Variants in PRKN observed in about 807,000 individuals in gnomAD.
PRKN encodes the protein E3 ubiquitin-protein ligase parkin.
Under a neutral mutation model 59.5 loss-of-function variants are expected in PRKN, and 56 were observed. That is an observed-to-expected ratio of 0.94 (90% CI 0.76 to 1.18). The LOEUF is 1.18. Ranked by LOEUF, PRKN falls within the 50% of genes most tolerant of loss-of-function variation. The pLI is 0.00. For missense variants in PRKN, 657 were observed against 596.4 expected (o/e 1.10, Z -1.06); for synonymous variants, 250 against 222.1 (o/e 1.13, Z -1.12).
intron 5 of PRKN, among the ~76,000 whole-genome samples, chr6:162,023,758 T>C (rs1783307657): frequency 6.6e-6 from 1 of 152,010 alleles, no homozygotes; most frequent in Non-Finnish European, 1.5e-5. Flanking sequence ...TTCACCTAGG[T>C]CCATGGGGGT....
At chr6:162,706,673 T>C (rs1464764976) in intron 1 of PRKN, among the ~76,000 whole-genome samples, 2 of 152,346 alleles carry the variant, frequency 1.3e-5, no homozygotes, top group East Asian at 1.9e-4. Context: ...ATAGTGTCAC[T>C]AGAGGTTGTA....
intron 2 of PRKN, among the ~76,000 whole-genome samples, chr6:162,280,503 C>T (rs1188819792): frequency 1.3e-5 from 2 of 151,962 alleles, no homozygotes; most frequent in African/African-American, 4.8e-5. Context: ...AATTCAAAAG[C>T]TAAAAGGCCA....
intron 6 of PRKN, among the ~76,000 whole-genome samples, chr6:161,948,515 T>C (rs1241091085): frequency 6.6e-6 from 1 of 152,092 alleles, no homozygotes; most frequent in African/African-American, 2.4e-5. Flanking sequence ...GACTAGCACA[T>C]TGCATTATGA....
intron 4 of PRKN, among the ~76,000 whole-genome samples, chr6:162,172,249 G>A (rs1305695488): frequency 2.0e-5 from 3 of 152,300 alleles, no homozygotes; most frequent in African/African-American, 7.2e-5. Context: ...TAGCCAGTAG[G>A]CAGAAATGGA....
chr6:162,655,038 T>C (rs1014413898), intron 1 of PRKN, among the ~76,000 whole-genome samples: 2 of 152,204 alleles, frequency 1.3e-5, no homozygotes, highest in African/African-American at 4.8e-5. Flanking sequence ...TGCATAGTTA[T>C]ACCAATGTCA....
At chr6:162,382,275 T>A (rs1273338217) in intron 2 of PRKN, among the ~76,000 whole-genome samples, 3 of 152,000 alleles carry the variant, frequency 2.0e-5, no homozygotes, top group Non-Finnish European at 4.4e-5. Flanking sequence ...TAACTAGAAA[T>A]GGAAATCCAA....
intron 4 of PRKN, among the ~76,000 whole-genome samples, chr6:162,108,992 T>A (rs151234724): frequency 8.3e-4 from 126 of 152,332 alleles, no homozygotes; most frequent in Middle Eastern, 6.8e-3. Flanking sequence ...CCGTAGGCAG[T>A]GTGCCAGGGC....
chr6:161,478,389 T>C (rs543087859), intron 9 of PRKN, among the ~76,000 whole-genome samples: 1 of 152,360 alleles, frequency 6.6e-6, no homozygotes, highest in South Asian at 2.1e-4. Flanking sequence ...TTATTGCACT[T>C]ATTAATAAAA....
In PRKN at chr6:161,548,984, T is replaced by C. The variant is rs1212919365; in HGVS notation, c.953A>G (p.Tyr318Cys). Residue 318 changes from tyrosine (Y) to cysteine (C), a missense_variant, in exon 9 of 12, where the codon TAT (tyrosine) becomes TGT (cysteine). Physicochemically the swap from Tyr to Cys is radical, Grantham distance 194. Coordinates refer to ENST00000366898, the MANE Select transcript of PRKN (RefSeq NM_004562.3). The surrounding 1 kb of genome is among the most constrained non-coding windows in gnomAD (Gnocchi z 4.2). Reference sequence around the variant, plus strand: ...CTGCAGGACACACTCCTCTGCACCATACTGCTGGTACCGGTTGTACTGCAA... The same window carrying C: ...CTGCAGGACACACTCCTCTGCACCACACTGCTGGTACCGGTTGTACTGCAA... The part of the protein sequence containing the change: ...GEEQYNRYQQ[Y>C]GAEECVLQMG... 6.2e-7 allele frequency: 1 copy of C among 1,614,196 alleles called. No individual in the cohort carries two copies.
At chr6:162,422,657 G>T (rs1383306417) in intron 2 of PRKN, among the ~76,000 whole-genome samples, 2 of 152,282 alleles carry the variant, frequency 1.3e-5, no homozygotes, top group Non-Finnish European at 2.9e-5. Context: ...AGAGTCATAA[G>T]AAGGAGGCTG....
chr6:161,597,836 G>GCACA (rs35750936), intron 7 of PRKN, among the ~76,000 whole-genome samples: 8,558 of 150,070 alleles, frequency 0.057, 234 homozygotes, highest in African/African-American at 0.071. Context: ...TCCAGCGTGC[G>GCACA]CACACACACA....
intron 2 of PRKN, among the ~76,000 whole-genome samples, chr6:162,338,662 C>A (rs1209210351): frequency 2.6e-5 from 4 of 152,086 alleles, no homozygotes; most frequent in African/African-American, 9.6e-5. Flanking sequence ...GCAGCCTCTG[C>A]CCGGCCGCCA....
chr6:162,491,269 C>CAAAAAAAA (rs1415926992), intron 1 of PRKN, among the ~76,000 whole-genome samples: 1 of 76,032 alleles, frequency 1.3e-5, no homozygotes, highest in African/African-American at 4.7e-5. Flanking sequence ...GACTCTGGCT[C>CAAAAAAAA]AAAAAAAAAA....
intron 6 of PRKN, among the ~76,000 whole-genome samples, chr6:161,900,800 T>A (rs1409300787): frequency 7.4e-6 from 1 of 135,416 alleles, no homozygotes; most frequent in Non-Finnish European, 1.5e-5. Context: ...TATAAATATA[T>A]AATAAAATAA....
intron 3 of PRKN, among the ~76,000 whole-genome samples, chr6:162,227,107 G>A (rs983754411): frequency 6.6e-6 from 1 of 152,126 alleles, no homozygotes; most frequent in Admixed American, 6.5e-5. Flanking sequence ...TTAACTTTAC[G>A]TAACTATCCT....
At chr6:161,443,305 G>A (rs1789330666) in intron 9 of PRKN, among the ~76,000 whole-genome samples, 1 of 136,142 alleles carries the variant, frequency 7.3e-6, no homozygotes, top group Non-Finnish European at 1.5e-5. Context: ...GCAAGACTCC[G>A]TCTCAAAAAA....
chr6:162,690,198 C>A (rs1482814211), intron 1 of PRKN, among the ~76,000 whole-genome samples: 2 of 151,938 alleles, frequency 1.3e-5, no homozygotes. Context: ...AAAACAGTAA[C>A]ATAAAATTTA....
chr6:162,018,870 A>G (rs1783027357), intron 5 of PRKN, among the ~76,000 whole-genome samples: 1 of 152,136 alleles, frequency 6.6e-6, no homozygotes, highest in Non-Finnish European at 1.5e-5. Context: ...AATCTAGAGC[A>G]CTACACTTAG....
intron 4 of PRKN, among the ~76,000 whole-genome samples, chr6:162,137,131 T>G (rs906938067): frequency 1.3e-4 from 20 of 152,222 alleles, no homozygotes; most frequent in African/African-American, 4.6e-4. Context: ...AAAGAATCAT[T>G]TATTAAAAGC....
Sources: allele counts gnomAD v4.1 joint callset (sites outside exome capture counted in the v4.1 genomes callset), GRCh38; gene constraint gnomAD v4.1.1; non-coding constraint Gnocchi (gnomAD v3.1); transcripts MANE v1.5; gene names NCBI Gene and HGNC (gene_info 2026-07-23, HGNC 2026-07-21).